Variants in CRYBG1 observed in about 807,000 individuals in gnomAD.
CRYBG1 encodes the protein beta/gamma crystallin domain-containing protein 1.
CRYBG1 carries 139 observed loss-of-function variants against 189.2 expected under a neutral mutation model. The ratio of observed to expected loss-of-function variants is 0.73; its 90% CI spans 0.64 to 0.85. The LOEUF (loss-of-function observed/expected upper bound fraction) is 0.85. Ranked by LOEUF, CRYBG1 falls within the 40% of genes least tolerant of loss-of-function variation. The pLI is 0.00. For synonymous variants in CRYBG1, 1,023 were observed against 1,017.1 expected, an observed-to-expected ratio of 1.01 and a Z score of -0.11; for missense variants, 2,611 against 2,675.8, an observed-to-expected ratio of 0.98 and a Z score of 0.53.
intron 2 of CRYBG1, among the ~76,000 whole-genome samples, chr6:106,464,258 G>C (rs1405410161): frequency 6.6e-6 from 1 of 152,160 alleles, no homozygotes; most frequent in Non-Finnish European, 1.5e-5. Flanking sequence ...ACTTTGGGAG[G>C]CCAAGGCGGG....
At chr6:106,542,754 C>T (rs1774162602) in intron 10 of CRYBG1, among the ~76,000 whole-genome samples, 2 of 149,348 alleles carry the variant, frequency 1.3e-5, no homozygotes, top group South Asian at 2.1e-4. Flanking sequence ...TGAGTTCAAG[C>T]GGTTCTGCCT....
intron 2 of CRYBG1, among the ~76,000 whole-genome samples, chr6:106,455,638 A>T (rs547691048): frequency 6.6e-6 from 1 of 152,186 alleles, no homozygotes; most frequent in South Asian, 2.1e-4. Flanking sequence ...ACTTATTTTC[A>T]TCTAGAAATT....
intron 1 of CRYBG1, among the ~76,000 whole-genome samples, chr6:106,410,786 C>T (rs923065527): frequency 6.6e-6 from 1 of 152,140 alleles, no homozygotes; most frequent in African/African-American, 2.4e-5. Flanking sequence ...CGCATATTCT[C>T]ACTCGTAAGT....
chr6:106,557,685 G>A (rs1314475965), intron 17 of CRYBG1, among the ~76,000 whole-genome samples: 3 of 151,692 alleles, frequency 2.0e-5, no homozygotes, highest in African/African-American at 7.3e-5. Flanking sequence ...CGTCCACCTC[G>A]GCCTCCCAAA....
At chr6:106,483,390 A>ATATATATAT (rs1772512847) in intron 2 of CRYBG1, among the ~76,000 whole-genome samples, 4 of 96,768 alleles carry the variant, frequency 4.1e-5, no homozygotes, top group Non-Finnish European at 7.6e-5. Flanking sequence ...ATATATATAT[A>ATATATATAT]GATATATATA....
intron 1 of CRYBG1, among the ~76,000 whole-genome samples, chr6:106,445,991 C>T (rs1388205801): frequency 2.0e-5 from 3 of 152,074 alleles, no homozygotes; most frequent in Non-Finnish European, 4.4e-5. Context: ...GCTTCCAGTA[C>T]CATGTACATG....
At chr6:106,542,865 T>C (rs1774164724) in intron 10 of CRYBG1, among the ~76,000 whole-genome samples, 1 of 142,430 alleles carries the variant, frequency 7.0e-6, no homozygotes, top group South Asian at 2.2e-4. Flanking sequence ...CCCAGGTTGG[T>C]CTCAAACTCC....
Position 106,511,944 on chromosome 6 carries a change from G to A in CRYBG1, c.827G>A (p.Gly276Glu). Residue 276 changes from glycine to glutamate, a missense_variant, in exon 3 of 22, where the codon GGG (glycine) becomes GAG (glutamate). Transcript: ENST00000633556. ...GCAGAGACGCCCGCCCGCAGTCCGG[G>A]GGAGGACGCTTCACCAGGTGCTGGC... is the stretch of plus-strand genomic sequence containing the variant. The part of the protein sequence containing the change: ...ENAETPARSP[G>E]EDASPGAGHE... 6.5e-7 allele frequency: 1 copy of A among 1,527,652 alleles called. No individual in the cohort carries two copies. The allele number at this position is 1,527,652 out of a possible 1,614,324, so 94.6% of individuals were successfully genotyped here.
intron 2 of CRYBG1, among the ~76,000 whole-genome samples, chr6:106,479,210 C>G (rs914026057): frequency 6.6e-6 from 1 of 152,178 alleles, no homozygotes; most frequent in Non-Finnish European, 1.5e-5. Context: ...ATTTTCAATT[C>G]TCTTGAGTAT....
At chr6:106,568,330 C>G in intron 21 of CRYBG1, 142 bp from the exon 22 acceptor site, 4 of 644,802 alleles carry the variant, frequency 6.2e-6, no homozygotes, top group Non-Finnish European at 8.0e-6. Context: ...AGGCTTCCCT[C>G]CCTGCCTTGC....
chr6:106,495,804 CT>C (rs1182813020), intron 2 of CRYBG1, among the ~76,000 whole-genome samples: 31 of 129,626 alleles, frequency 2.4e-4, no homozygotes, highest in African/African-American at 9.4e-4. Context: ...TTATTTAATC[CT>C]TTTTTTCCTT....
chr6:106,458,389 T>C (rs1014045022), intron 2 of CRYBG1, among the ~76,000 whole-genome samples: 3 of 152,186 alleles, frequency 2.0e-5, no homozygotes, highest in Admixed American at 2.0e-4. Flanking sequence ...CTCAAACAGC[T>C]CCTTTTTTGT....
At chr6:106,378,249 A>C (rs1001869176) in intron 1 of CRYBG1, among the ~76,000 whole-genome samples, 4 of 152,210 alleles carry the variant, frequency 2.6e-5, no homozygotes, top group African/African-American at 7.2e-5. Context: ...CCTTGTGTCC[A>C]TTCTAATCTT....
Position 106,519,349 on chromosome 6 carries a change from G to C in CRYBG1, c.2141G>C (p.Arg714Thr). Residue 714 changes from arginine (R) to threonine (T), a missense_variant, in exon 4 of 22, where the codon AGG becomes ACG. By Grantham distance (71) the Arg-to-Thr change is moderately conservative. This residue lies in a region of CRYBG1 where 1,622 missense variants were observed against 1,735.0 expected (regional missense o/e 0.93). Coordinates refer to ENST00000633556, the MANE Select transcript of CRYBG1 (RefSeq NM_001371242.2). ...GCCTCTAGTAAAACGTTTGTTGGGA[G>C]GGCAAAGCTGAATTTAGCCAAAAAA... ...TPASSKTFVG[R>T]AKLNLAKKAK... is the part of the protein sequence containing the mutation. The C allele has an allele frequency of 1.2e-6, 2 of 1,614,088 alleles. No homozygotes were observed. The highest frequency in any genetic ancestry group is 1.7e-6 in the Non-Finnish European group (2 of 1,180,026).
Position 106,451,690 on chromosome 6 carries a change from G to C in CRYBG1, c.174-4G>C. 6.5e-7 allele frequency: 1 copy of C among 1,532,002 alleles called. No homozygotes were observed. Among genetic ancestry groups the C allele is most frequent in the Non-Finnish European group, 8.7e-7 (1 of 1,144,834 alleles). 94.9% of individuals were successfully genotyped at this position (1,532,002 alleles called of 1,614,324 possible). A position where few individuals can be genotyped will look rare whatever the true frequency, so the allele number is the denominator to read the frequency against. On this transcript the variant is annotated splice_polypyrimidine_tract_variant and splice_region_variant and intron_variant, in intron 1 of 21. Coordinates refer to ENST00000633556, the MANE Select transcript of CRYBG1 (RefSeq NM_001371242.2). ...TGACATGACTGTGGTTCCGTTCTTT[G>C]CAGAGCTTTGGATGTAGTCGATGGA...
intron 2 of CRYBG1, among the ~76,000 whole-genome samples, chr6:106,510,852 G>A (rs1453057884): frequency 6.6e-6 from 1 of 152,246 alleles, no homozygotes; most frequent in African/African-American, 2.4e-5. Context: ...CGGGGCCCAG[G>A]TGCTTGCTTC....
At chr6:106,433,744 T>TATATATGTGTATATATATATAC (rs1562305824) in intron 1 of CRYBG1, among the ~76,000 whole-genome samples, 1 of 19,046 alleles carries the variant, frequency 5.3e-5, no homozygotes, top group African/African-American at 3.2e-4. Context: ...TACATATATA[T>TATATATGTGTATATATATATAC]GTATATATAT....
chr6:106,513,523 A>C (rs988557527), intron 3 of CRYBG1, among the ~76,000 whole-genome samples: 2 of 152,234 alleles, frequency 1.3e-5, no homozygotes, highest in Non-Finnish European at 2.9e-5. Flanking sequence ...CACTCAGTGC[A>C]TTTATTGGCA....
At chr6:106,380,573 GA>G (rs1465631122) in intron 1 of CRYBG1, among the ~76,000 whole-genome samples, 7 of 152,192 alleles carry the variant, frequency 4.6e-5, no homozygotes, top group Non-Finnish European at 8.8e-5. Context: ...AATTCAGAAA[GA>G]AGATGAGTAA....
Sources: gnomAD v4.1 joint callset for allele counts (sites outside exome capture counted in the v4.1 genomes callset) on GRCh38, gnomAD v4.1.1 for gene constraint, gnomAD v4.1.1 regional missense constraint, MANE v1.5 for transcripts, NCBI Gene and HGNC (gene_info 2026-07-23, HGNC 2026-07-21) for gene names.